Variants in ASF1B observed in about 807,000 individuals in gnomAD.
ASF1B encodes the protein anti-silencing function 1B histone chaperone, also known as histone chaperone ASF1B.
A neutral mutation model predicts 16.6 loss-of-function variants in ASF1B; 10 were observed. The ratio of observed to expected loss-of-function variants is 0.60; its 90% CI spans 0.37 to 1.02. The LOEUF is 1.02. ASF1B is among the 50% of genes least tolerant of loss of function. The pLI, the probability that ASF1B is intolerant of heterozygous loss-of-function variation, is 0.01. For synonymous variants in ASF1B, 101 were observed against 106.2 expected (o/e 0.95, Z 0.30); for missense variants, 240 against 266.0 (o/e 0.90, Z 0.68).
At chr19:14,135,937 GAGA>G (rs1253100728) in intron 1 of ASF1B, among the ~76,000 whole-genome samples, 17 of 151,944 alleles carry the variant, frequency 1.1e-4, no homozygotes, top group Non-Finnish European at 4.4e-5. Context: ...AATGGAGGCC[GAGA>G]AGGTCTCCCC....
intron 2 of ASF1B, among the ~76,000 whole-genome samples, chr19:14,121,994 G>A (rs1160919497): frequency 6.6e-6 from 1 of 150,386 alleles, no homozygotes; most frequent in Non-Finnish European, 1.5e-5. Flanking sequence ...GCAATGGTGC[G>A]ATCTCGGCTC....
rs1380452267 is a variant in ASF1B at position 14,121,613 on chromosome 19, G to A, written c.321C>T (p.Ile107=). The change falls in exon 3 of 4, where the codon ATC becomes ATT. Residue 107 remains isoleucine, a synonymous_variant. Transcript: ENST00000263382. ...ITCTYHGQEF[I]RVGYYVNNEY... Reference sequence around the variant, plus strand: ...CGTTGTTGACGTAGTAGCCCACTCGGATGAACTCCTGTCCATGGTAGGTGC... The same window carrying A: ...CGTTGTTGACGTAGTAGCCCACTCGAATGAACTCCTGTCCATGGTAGGTGC... The A allele has an allele frequency of 6.2e-7, 1 of 1,613,872 alleles. No individual in the cohort carries two copies. Among genetic ancestry groups the A allele is most frequent in the African/African-American group, 1.3e-5 (1 of 74,848 alleles).
intron 1 of ASF1B, among the ~76,000 whole-genome samples, chr19:14,127,498 G>A (rs1967336189): frequency 6.6e-6 from 1 of 152,206 alleles, no homozygotes; most frequent in South Asian, 2.1e-4. Flanking sequence ...AATCCGGCAG[G>A]AGAGCCAGCC....
intron 1 of ASF1B, among the ~76,000 whole-genome samples, chr19:14,127,511 C>T (rs1032874877): frequency 1.3e-5 from 2 of 152,168 alleles, no homozygotes; most frequent in African/African-American, 4.8e-5. Flanking sequence ...AGCCAGCCTG[C>T]AGGAGGGGGA....
At chr19:14,135,486 C>G (rs1260704704) in intron 1 of ASF1B, among the ~76,000 whole-genome samples, 1 of 151,962 alleles carries the variant, frequency 6.6e-6, no homozygotes, top group Non-Finnish European at 1.5e-5. Flanking sequence ...TGGGCCCCAA[C>G]GAAGGAGAGA....
At chr19:14,135,254 GAAGA>G (rs1170558922) in intron 1 of ASF1B, among the ~76,000 whole-genome samples, 2 of 150,270 alleles carry the variant, frequency 1.3e-5, no homozygotes, top group East Asian at 1.9e-4. Flanking sequence ...AGAGGAAGAA[GAAGA>G]AAGAAAAAGT....
rs3745464 is a variant in ASF1B, at chr19:14,120,431, C to T, written c.*28G>A. ...TGGGAGGCCTGGTTGCCCCTCCCGGCGTGCTGGGACACTCTGGGTTCCTGC... is the reference window on the plus strand; with the variant it reads ...TGGGAGGCCTGGTTGCCCCTCCCGGTGTGCTGGGACACTCTGGGTTCCTGC... On this transcript the variant is annotated 3_prime_UTR_variant, in exon 4 of 4. Transcript: ENST00000263382. 0.14 allele frequency: 224,688 copies of T among 1,606,672 alleles called. 18,382 individuals are homozygous for T. Among genetic ancestry groups the T allele is most frequent in the African/African-American group, 0.36 (26,488 of 74,448 alleles).
intron 2 of ASF1B, among the ~76,000 whole-genome samples, chr19:14,121,923 C>CT (rs532286071): frequency 0.031 from 4,412 of 141,822 alleles, 186 homozygotes; most frequent in African/African-American, 0.095. Flanking sequence ...ACCCGGCTAA[C>CT]TTTTTTTTTT....
chr19:14,136,575 C>A lies in ASF1B; in HGVS notation c.-119G>T. 1.3e-6 allele frequency: 1 copy of A among 765,120 alleles called. No homozygotes were observed. The highest frequency in any genetic ancestry group is 2.1e-6 in the Non-Finnish European group (1 of 485,740). The allele number at this position is 765,120 out of a possible 1,614,324, so 47.4% of individuals were successfully genotyped here. A position where few individuals can be genotyped will look rare whatever the true frequency, so the allele number is the denominator to read the frequency against. On this transcript the variant is annotated 5_prime_UTR_variant, in exon 1 of 4. Transcript: ENST00000263382. ...CAGGTCCACTCCCGCCTCTTCTCTCCGAGAACTGAAGTGCGCACCTAGTCC... is the reference window on the plus strand; with the variant it reads ...CAGGTCCACTCCCGCCTCTTCTCTCAGAGAACTGAAGTGCGCACCTAGTCC...
At chr19:14,120,749 C>T in intron 3 of ASF1B, 84 bp from the exon 4 acceptor site, 1 of 1,356,372 alleles carries the variant, frequency 7.4e-7, no homozygotes, top group Non-Finnish European at 1.0e-6. Context: ...AATCACCCAT[C>T]TCAAGCCCAG....
At chr19:14,131,485 C>CT (rs759033830) in intron 1 of ASF1B, among the ~76,000 whole-genome samples, 1,265 of 126,408 alleles carry the variant, frequency 0.01, 3 homozygotes, top group Non-Finnish European at 0.013. Context: ...CTGGCTTTTT[C>CT]TTTTTTTTTT....
rs368856106 is a variant in ASF1B, at chr19:14,126,170, C to G, written c.177G>C (p.Ser59=). 2 of 1,611,830 alleles carry G rather than the reference C, an allele frequency of 1.2e-6. No homozygotes were observed. The highest frequency in any genetic ancestry group is 1.3e-5 in the African/African-American group (1 of 74,770). ...CTGCTGGCACAGGGCCCACCAGCAC[C>G]GAGTCTAGGATCTGATCAAATTCCT... The part of the protein sequence containing the change: ...ESEEFDQILD[S]VLVGPVPAGR... The change falls in exon 2 of 4, where the codon TCG becomes TCC. Residue 59 remains serine (S), a synonymous_variant. Coordinates refer to ENST00000263382, the MANE Select transcript of ASF1B (RefSeq NM_018154.3).
chr19:14,125,005 C>T (rs1599357419), intron 2 of ASF1B, among the ~76,000 whole-genome samples: 1 of 152,138 alleles, frequency 6.6e-6, no homozygotes, highest in African/African-American at 2.4e-5. Context: ...ATCGCTGTAT[C>T]ACCCAGGCTA....
intron 1 of ASF1B, among the ~76,000 whole-genome samples, chr19:14,130,058 ATTTAT>A (rs1967378669): frequency 6.6e-6 from 1 of 151,100 alleles, no homozygotes; most frequent in African/African-American, 2.4e-5. Flanking sequence ...TGTAATTCTA[ATTTAT>A]TTTATTTTAT....
chr19:14,126,600 T>G (rs927087903), intron 1 of ASF1B, among the ~76,000 whole-genome samples: 1 of 152,144 alleles, frequency 6.6e-6, no homozygotes, highest in East Asian at 1.9e-4. Flanking sequence ...GCCTACTGAG[T>G]AGCTGGAATT....
intron 1 of ASF1B, among the ~76,000 whole-genome samples, chr19:14,131,604 T>C (rs1245064144): frequency 6.6e-6 from 1 of 151,286 alleles, no homozygotes; most frequent in African/African-American, 2.4e-5. Flanking sequence ...TGCCTCAGCC[T>C]CCCGAGTAGC....
chr19:14,125,690 C>T (rs1296362824), intron 2 of ASF1B, among the ~76,000 whole-genome samples: 2 of 152,022 alleles, frequency 1.3e-5, no homozygotes, highest in Non-Finnish European at 2.9e-5. Flanking sequence ...GTATCTGAGA[C>T]TACAGGCGCA....
Position 14,126,181 on chromosome 19 carries a change from T to G in ASF1B, c.166A>C (p.Ile56Leu). The G allele has an allele frequency of 6.2e-7, 1 of 1,613,504 alleles. No individual in the cohort carries two copies. Among genetic ancestry groups the G allele is most frequent in the Non-Finnish European group, 8.5e-7 (1 of 1,179,870 alleles). The change falls in exon 2 of 4, where the codon ATC (isoleucine) becomes CTC (leucine). Residue 56 changes from isoleucine (I) to leucine (L), a missense_variant. Transcript: ENST00000263382. The stretch of plus-strand genomic sequence containing the variant: ...GGGCCCACCAGCACCGAGTCTAGGA[T>G]CTGATCAAATTCCTCACTCTCAGCC... ...GSAESEEFDQILDSVLVGPVP... is the reference protein window; with the variant it reads ...GSAESEEFDQLLDSVLVGPVP...
At chr19:14,123,157 G>A (rs1199027514) in intron 2 of ASF1B, among the ~76,000 whole-genome samples, 1 of 152,170 alleles carries the variant, frequency 6.6e-6, no homozygotes, top group East Asian at 1.9e-4. Context: ...GTGGGGTCCT[G>A]TGCAGCTGCC....
Sources: gnomAD v4.1 joint callset for allele counts (sites outside exome capture counted in the v4.1 genomes callset) on GRCh38, gnomAD v4.1.1 for gene constraint, MANE v1.5 for transcripts, NCBI Gene and HGNC (gene_info 2026-07-23, HGNC 2026-07-21) for gene names.